Variants in ASGR2 observed in about 807,000 individuals in gnomAD.
ASGR2 encodes the protein asialoglycoprotein receptor 2, also known as C-type lectin domain family 4 member H2.
A neutral mutation model predicts 32.3 loss-of-function variants in ASGR2; 34 were observed. That is an observed-to-expected ratio of 1.05 (90% confidence interval 0.80 to 1.40). The LOEUF (loss-of-function observed/expected upper bound fraction) is 1.40, where lower values mean the gene tolerates loss of function less well. ASGR2 is among the 40% of genes most tolerant of loss of function. ASGR2 has a pLI of 0.00. For missense variants in ASGR2, 385 were observed against 386.4 expected (o/e 1.00, Z 0.03); for synonymous variants, 143 against 150.0 (o/e 0.95, Z 0.34).
rs759255639 is a variant in ASGR2 at position 7,107,150 on chromosome 17, G to A, written c.498C>T (p.Gly166=). ...TGACGGGGCAGCAGGTCCTTTGGGAGCCTGAGGGGACAGGGGGCAGGGAGA... is the reference window on the plus strand; with the variant it reads ...TGACGGGGCAGCAGGTCCTTTGGGAACCTGAGGGGACAGGGGGCAGGGAGA... ...ACQMELLHSN[G]SQRTCCPVNW... The change falls in exon 7 of 9, where the codon GGC becomes GGT. Residue 166 remains glycine, a splice_region_variant and synonymous_variant. Transcript: ENST00000691900. This position sits in a 1 kb window ranked among gnomAD's most constrained non-coding sequence, Gnocchi z 5.0. 6.8e-6 allele frequency: 11 copies of A among 1,614,080 alleles called. No homozygotes were observed. In the Admixed American group the frequency reaches 1.5e-4, roughly 22 times the overall value.
Position 7,114,659 on chromosome 17 carries a change from C to A in ASGR2, c.-115G>T, listed in dbSNP as rs951197419. ...CGGACACCTGGCTCCCGCAGGCAAC[C>A]CTGGCCTTGGCCAAGGAGGGGTTAA... On this transcript the variant is annotated 5_prime_UTR_variant, in exon 1 of 9. Transcript: ENST00000691900. The surrounding 1 kb of genome is among the most constrained non-coding windows in gnomAD (Gnocchi z 4.5). 8.8e-6 allele frequency: 9 copies of A among 1,026,132 alleles called. No homozygotes were observed. In the Admixed American group the frequency reaches 2.0e-4, roughly 23 times the overall value. The allele number at this position is 1,026,132 out of a possible 1,614,324, so 63.6% of individuals were successfully genotyped here.
rs1282999431 is a variant in ASGR2 at position 7,113,548 on chromosome 17, T to TAC, written c.124+567_124+568dup. On this transcript the variant is annotated intron_variant, in intron 2 of 8. Transcript: ENST00000691900. The surrounding 1 kb of genome is among the most constrained non-coding windows in gnomAD (Gnocchi z 5.1). ...AACATACACACACTCATACACAACATACATACACACAACATACACACAACA... is the reference window on the plus strand; with the variant it reads ...AACATACACACACTCATACACAACATACACATACACACAACATACACACAACA... Among the ~76,000 whole-genome samples, 31 of 93,240 alleles carry TAC rather than the reference T, an allele frequency of 3.3e-4. No homozygotes were observed. The highest frequency in any genetic ancestry group is 1.3e-3 in the East Asian group (4 of 3,198). 61.2% of individuals were successfully genotyped at this position (93,240 alleles called of 152,430 possible). A position where few individuals can be genotyped will look rare whatever the true frequency, so the allele number is the denominator to read the frequency against.
chr17:7,102,781 CG>C lies in ASGR2; in HGVS notation c.649-586del, dbSNP rs1567757100. 2.0e-5 allele frequency among the ~76,000 whole-genome samples: 3 copies of C among 152,248 alleles called. No individual in the cohort carries two copies. In the South Asian group the frequency reaches 6.2e-4, roughly 32 times the overall value. On this transcript the variant is annotated intron_variant, in intron 7 of 8. Coordinates refer to ENST00000691900, the MANE Select transcript of ASGR2 (RefSeq NM_001201352.2). ...GTCATTTCCTGAGATCTGTCAGGCC[CG>C]GGAGCTTCTAAGCTTGGACCCACTG...
At chr17:7,102,566 A>G (rs1913006036) in intron 7 of ASGR2, among the ~76,000 whole-genome samples, 1 of 151,966 alleles carries the variant, frequency 6.6e-6, no homozygotes, top group South Asian at 2.1e-4. Flanking sequence ...GTCCCCCTTC[A>G]TTCCCAGCTT....
At chr17:7,112,455 T>G (rs1015076182) in intron 2 of ASGR2, among the ~76,000 whole-genome samples, 1 of 152,086 alleles carries the variant, frequency 6.6e-6, no homozygotes, top group African/African-American at 2.4e-5. Flanking sequence ...ATTTCAGAAA[T>G]CCTGGCCTCT....
At chr17:7,102,733 A>G (rs1354591693) in intron 7 of ASGR2, among the ~76,000 whole-genome samples, 1 of 152,150 alleles carries the variant, frequency 6.6e-6, no homozygotes, top group Non-Finnish European at 1.5e-5. Context: ...GGCCCCTGGT[A>G]GCTCTCGCTT....
chr17:7,104,118 G>C (rs1597375268), intron 7 of ASGR2, among the ~76,000 whole-genome samples: 1 of 152,044 alleles, frequency 6.6e-6, no homozygotes, highest in South Asian at 2.1e-4. Context: ...GGAGGCCAAG[G>C]CAGGTGAATC....
At chr17:7,105,625 G>A (rs1913563050) in intron 7 of ASGR2, among the ~76,000 whole-genome samples, 1 of 152,092 alleles carries the variant, frequency 6.6e-6, no homozygotes, top group African/African-American at 2.4e-5. Flanking sequence ...GTTACAGTGA[G>A]CTGAGATCAT....
Position 7,101,635 on chromosome 17 carries a change from G to A in ASGR2, c.861C>T (p.Cys287=), listed in dbSNP as rs200265737. 6.7e-4 allele frequency: 1,075 copies of A among 1,614,200 alleles called. No homozygotes were observed. Among genetic ancestry groups the A allele is most frequent in the Non-Finnish European group, 8.3e-4 (982 of 1,180,032 alleles). Residue 287 remains cysteine (C), a synonymous_variant, in exon 9 of 9, where the codon TGC becomes TGT. Transcript: ENST00000691900. Reference sequence around the variant, plus strand: ...CACACACCCAGCGGTACACCTGCAGGCAGAAGTCATCGTTCCAGCGGCCAT... The same window carrying A: ...CACACACCCAGCGGTACACCTGCAGACAGAAGTCATCGTTCCAGCGGCCAT... ...QPDGRWNDDF[C]LQVYRWVCEK...
At chr17:7,106,926 A>G (rs1597380994) in intron 7 of ASGR2, 74 bp downstream of exon 7, 1 of 1,558,686 alleles carries the variant, frequency 6.4e-7, no homozygotes, top group African/African-American at 1.4e-5. Context: ...AAAATGGATA[A>G]AATAAGCCTG....
chr17:7,109,618 A>C (rs1425011812), intron 2 of ASGR2, among the ~76,000 whole-genome samples: 3 of 151,828 alleles, frequency 2.0e-5, no homozygotes, highest in Non-Finnish European at 2.9e-5. Flanking sequence ...TCTCACAGGT[A>C]CCTCTCCTGC....
chr17:7,108,578 G>T lies in ASGR2; in HGVS notation c.242-21C>A, dbSNP rs374352199. 12 of 1,604,332 alleles carry T rather than the reference G, an allele frequency of 7.5e-6. No homozygotes were observed. The highest frequency in any genetic ancestry group is 3.4e-5 in the Admixed American group (2 of 58,456). On this transcript the variant is annotated intron_variant, in intron 3 of 8. Coordinates refer to ENST00000691900, the MANE Select transcript of ASGR2 (RefSeq NM_001201352.2). The surrounding 1 kb of genome is among the most constrained non-coding windows in gnomAD (Gnocchi z 4.9). ...TGCACCTTGTCAGGTGGTAGTGGGGGCAGGATGAGGCAGAGGGGCCGTGTC... is the reference window on the plus strand; with the variant it reads ...TGCACCTTGTCAGGTGGTAGTGGGGTCAGGATGAGGCAGAGGGGCCGTGTC...
intron 2 of ASGR2, among the ~76,000 whole-genome samples, chr17:7,111,513 A>G (rs532221173): frequency 3.3e-3 from 504 of 152,116 alleles, no homozygotes; most frequent in Middle Eastern, 0.014. Flanking sequence ...AAAATTAGCC[A>G]GACGTGGTGG....
chr17:7,113,550 CAT>C lies in ASGR2; in HGVS notation c.124+565_124+566del, dbSNP rs1491323144. 1.1e-4 allele frequency among the ~76,000 whole-genome samples: 12 copies of C among 105,916 alleles called. No individual in the cohort carries two copies. Among genetic ancestry groups the C allele is most frequent in the Admixed American group, 3.1e-4 (3 of 9,810 alleles). 69.5% of individuals were successfully genotyped at this position (105,916 alleles called of 152,430 possible). Reference sequence around the variant, plus strand: ...CATACACACACTCATACACAACATACATACACACAACATACACACAACATACA... The same window carrying C: ...CATACACACACTCATACACAACATACACACACAACATACACACAACATACA... On this transcript the variant is annotated intron_variant, in intron 2 of 8. Transcript: ENST00000691900. This position sits in a 1 kb window ranked among gnomAD's most constrained non-coding sequence, Gnocchi z 5.1.
chr17:7,108,852 C>T lies in ASGR2; in HGVS notation c.161G>A (p.Cys54Tyr). The T allele has an allele frequency of 6.2e-7, 1 of 1,608,880 alleles. No homozygotes were observed. Among genetic ancestry groups the T allele is most frequent in the South Asian group, 1.1e-5 (1 of 90,234 alleles). The stretch of plus-strand genomic sequence containing the variant: ...AAGCAGACTGAAGCAGACCATGGAG[C>T]AGAGACGCTGTGCCAGGGGCTGGGC... Reference protein sequence around the residue: ...PPAQPLAQRLCSMVCFSLLAL... With the variant: ...PPAQPLAQRLYSMVCFSLLAL... The change falls in exon 3 of 9, where the codon TGC (cysteine) becomes TAC (tyrosine). Residue 54 changes from cysteine (C) to tyrosine (Y), a missense_variant. Coordinates refer to ENST00000691900, the MANE Select transcript of ASGR2 (RefSeq NM_001201352.2). The surrounding 1 kb of genome is among the most constrained non-coding windows in gnomAD (Gnocchi z 4.9).
Position 7,104,348 on chromosome 17 carries a change from TAAA to T in ASGR2, c.649-2155_649-2153del, listed in dbSNP as rs71383461. The stretch of plus-strand genomic sequence containing the variant: ...GGTCAAAAAGAGCAAAACTCTGTCT[TAAA>T]AAAAAAAAAAAAAAAAAAAGCCAGG... On this transcript the variant is annotated intron_variant, in intron 7 of 8. Coordinates refer to ENST00000691900, the MANE Select transcript of ASGR2 (RefSeq NM_001201352.2). 2.0e-3 allele frequency among the ~76,000 whole-genome samples: 163 copies of T among 79,792 alleles called. 1 individual carries two copies. The highest frequency in any genetic ancestry group is 8.1e-3 in the African/African-American group (146 of 18,034). The allele number at this position is 79,792 out of a possible 152,430, so 52.3% of individuals were successfully genotyped here. A position where few individuals can be genotyped will look rare whatever the true frequency, so the allele number is the denominator to read the frequency against.
intron 2 of ASGR2, among the ~76,000 whole-genome samples, chr17:7,112,049 G>A (rs541445420): frequency 2.5e-3 from 11 of 4,438 alleles, no homozygotes; most frequent in African/African-American, 8.0e-3. Context: ...AGAGAGAGGG[G>A]AGGGGAAGCG....
rs554632701 is a variant in ASGR2, at chr17:7,107,348, C to G, written c.410-31G>C. The G allele has an allele frequency of 1.2e-6, 2 of 1,605,402 alleles. No homozygotes were observed. Among genetic ancestry groups the G allele is most frequent in the Non-Finnish European group, 8.5e-7 (1 of 1,178,380 alleles). On this transcript the variant is annotated intron_variant, in intron 5 of 8. Transcript: ENST00000691900. This position sits in a 1 kb window ranked among gnomAD's most constrained non-coding sequence, Gnocchi z 5.0. ...ACAGACAGGCTGAAAGTGCTGCCGG[C>G]AGGTGTGGTCCCCACCTGCTAGGCT...
intron 7 of ASGR2, among the ~76,000 whole-genome samples, chr17:7,103,668 A>G (rs1302199880): frequency 6.6e-6 from 1 of 152,242 alleles, no homozygotes; most frequent in African/African-American, 2.4e-5. Context: ...CCAAAAAGAA[A>G]GAGGAAGATG....
Sources: allele counts gnomAD v4.1 joint callset (sites outside exome capture counted in the v4.1 genomes callset), GRCh38; gene constraint gnomAD v4.1.1; non-coding constraint Gnocchi (gnomAD v3.1); transcripts MANE v1.5; gene names NCBI Gene and HGNC (gene_info 2026-07-23, HGNC 2026-07-21).